Variants in ANKS1B observed in about 807,000 individuals in gnomAD.
ANKS1B encodes the protein ankyrin repeat and sterile alpha motif domain-containing protein 1B.
A neutral mutation model predicts 148.3 loss-of-function variants in ANKS1B; 36 were observed. The observed-to-expected ratio is 0.24, with a 90% CI of 0.19 to 0.32. The LOEUF is 0.32. ANKS1B is among the 10% of genes least tolerant of loss of function. The pLI, the probability that ANKS1B is intolerant of heterozygous loss-of-function variation, is 1.00. For missense variants in ANKS1B, 1,157 were observed against 1,542.6 expected (o/e 0.75, Z 4.19); for synonymous variants, 542 against 560.8 (o/e 0.97, Z 0.47).
chr12:99,167,151 A>T (rs2077265133), intron 14 of ANKS1B, among the ~76,000 whole-genome samples: 1 of 152,020 alleles, frequency 6.6e-6, no homozygotes, highest in Non-Finnish European at 1.5e-5. Flanking sequence ...AAAACTACAA[A>T]ATTTCTAGAA....
chr12:98,810,100 C>T (rs1037558801), intron 19 of ANKS1B, among the ~76,000 whole-genome samples: 3 of 152,180 alleles, frequency 2.0e-5, no homozygotes, highest in Non-Finnish European at 4.4e-5. Flanking sequence ...AAACAATTTG[C>T]ACCTCCACCA....
At chr12:99,809,862 G>C (rs2068108596) in intron 3 of ANKS1B, among the ~76,000 whole-genome samples, 1 of 151,986 alleles carries the variant, frequency 6.6e-6, no homozygotes, top group African/African-American at 2.4e-5. Context: ...GAGAGCTTAG[G>C]CTTTGGATCA....
At chr12:99,829,809 G>T (rs1603184460) in intron 1 of ANKS1B, among the ~76,000 whole-genome samples, 1 of 152,206 alleles carries the variant, frequency 6.6e-6, no homozygotes, top group South Asian at 2.1e-4. Flanking sequence ...CAGCCTGGGC[G>T]ACAGAGTGAG....
intron 12 of ANKS1B, among the ~76,000 whole-genome samples, chr12:99,383,650 C>G (rs558610346): frequency 1.3e-5 from 2 of 152,098 alleles, no homozygotes; most frequent in East Asian, 3.9e-4. Flanking sequence ...ATTAAAAATG[C>G]TTTCTTGCCA....
At position 99,318,235 on chromosome 12, in the gene ANKS1B, G is replaced by A. The variant is rs568891150; in HGVS notation, c.1757-71371C>T. Among the ~76,000 whole-genome samples the A allele has an allele frequency of 4.6e-5, 7 of 152,316 alleles. 1 individual carries two copies. Among genetic ancestry groups the A allele is most frequent in the African/African-American group, 1.7e-4 (7 of 41,574 alleles). ...CTATTGAATGGAATAGTTTCAGAAG[G>A]AATGGTACCAGCTCCTCTTTGTATC... On this transcript the variant is annotated intron_variant, in intron 12 of 26. Transcript: ENST00000683438.
At chr12:99,476,052 C>G (rs1383516344) in intron 10 of ANKS1B, among the ~76,000 whole-genome samples, 2 of 151,902 alleles carry the variant, frequency 1.3e-5, no homozygotes, top group Admixed American at 6.6e-5. Context: ...TTAATCAAGA[C>G]AAGAAACCTA....
chr12:99,696,771 C>T (rs1312332343), intron 8 of ANKS1B, among the ~76,000 whole-genome samples: 2 of 152,122 alleles, frequency 1.3e-5, no homozygotes, highest in African/African-American at 2.4e-5. Flanking sequence ...GTGAAAGATA[C>T]TCTTAAGAGA....
chr12:99,249,852 A>G (rs2074346539), intron 12 of ANKS1B, among the ~76,000 whole-genome samples: 1 of 152,240 alleles, frequency 6.6e-6, no homozygotes, highest in South Asian at 2.1e-4. Flanking sequence ...TTGCTCTTGG[A>G]ACCCTGACAC....
chr12:99,621,176 C>G (rs1317294865), intron 9 of ANKS1B, among the ~76,000 whole-genome samples: 3 of 151,928 alleles, frequency 2.0e-5, no homozygotes, highest in Non-Finnish European at 4.4e-5. Context: ...AGAAATAAAA[C>G]CTCTTCCAGA....
chr12:98,942,388 G>A (rs1240260383), intron 17 of ANKS1B, among the ~76,000 whole-genome samples: 1 of 152,200 alleles, frequency 6.6e-6, no homozygotes, highest in African/African-American at 2.4e-5. Flanking sequence ...AGCTGAACAG[G>A]AGAAAGAGAC....
intron 22 of ANKS1B, chr12:98,794,565 G>T: frequency 1.4e-6 from 1 of 729,852 alleles, no homozygotes; most frequent in Non-Finnish European, 2.5e-6. Flanking sequence ...ATGATTGCAA[G>T]GTGTTCAGAT....
chr12:99,450,389 G>A lies in ANKS1B; in HGVS notation c.1439-6580C>T, dbSNP rs150478433. On this transcript the variant is annotated intron_variant, in intron 10 of 26. Transcript: ENST00000683438. ...TTAGCCAAATGTGTGGGCATCTCAC[G>A]GACTAGTTAAGTTGAACTTATAAAA... Among the ~76,000 whole-genome samples the A allele has an allele frequency of 2.6e-5, 4 of 152,210 alleles. No homozygotes were observed. In the South Asian group the frequency reaches 8.3e-4, roughly 32 times the overall value.
intron 15 of ANKS1B, among the ~76,000 whole-genome samples, chr12:99,122,182 T>C (rs77922151): frequency 0.016 from 2,496 of 152,166 alleles, 68 homozygotes; most frequent in African/African-American, 0.057. Flanking sequence ...AAATAATATA[T>C]GGAAAAATAA....
chr12:98,760,314 G>A (rs1163923050), intron 25 of ANKS1B, among the ~76,000 whole-genome samples: 1 of 151,840 alleles, frequency 6.6e-6, no homozygotes, highest in Non-Finnish European at 1.5e-5. Flanking sequence ...GTCCAGGCTG[G>A]AGTGCAGTGG....
intron 26 of ANKS1B, among the ~76,000 whole-genome samples, chr12:98,750,946 A>C (rs1229900355): frequency 4.6e-5 from 7 of 152,194 alleles, no homozygotes; most frequent in Non-Finnish European, 1.5e-5. Flanking sequence ...GGACATCATC[A>C]CTGTGTACCT....
chr12:99,380,466 A>G (rs1390405642), intron 12 of ANKS1B, among the ~76,000 whole-genome samples: 1 of 152,200 alleles, frequency 6.6e-6, no homozygotes, highest in African/African-American at 2.4e-5. Context: ...ACAATATCAC[A>G]TCCTGTGGCA....
intron 8 of ANKS1B, among the ~76,000 whole-genome samples, chr12:99,672,706 T>C (rs781640524): frequency 1.3e-5 from 2 of 152,060 alleles, no homozygotes; most frequent in Non-Finnish European, 2.9e-5. Flanking sequence ...TAGGGAGAGG[T>C]GCTCTCTTCC....
At chr12:99,546,207 G>T (rs1284214082) in intron 9 of ANKS1B, among the ~76,000 whole-genome samples, 1 of 152,048 alleles carries the variant, frequency 6.6e-6, no homozygotes, top group Non-Finnish European at 1.5e-5. Flanking sequence ...AAATCTAAGA[G>T]AAATAGACAA....
chr12:99,179,784 TAAC>T (rs2078899232), intron 14 of ANKS1B, among the ~76,000 whole-genome samples: 1 of 152,196 alleles, frequency 6.6e-6, no homozygotes, highest in South Asian at 2.1e-4. Flanking sequence ...TGATAATACT[TAAC>T]AACAGTGCTG....
Sources: gnomAD v4.1 joint callset for allele counts (sites outside exome capture counted in the v4.1 genomes callset) on GRCh38, gnomAD v4.1.1 for gene constraint, MANE v1.5 for transcripts, NCBI Gene and HGNC (gene_info 2026-07-23, HGNC 2026-07-21) for gene names.